DPYD: variants seen among roughly 807,000 people sequenced by gnomAD.
DPYD encodes dihydropyrimidine dehydrogenase [NADP(+)].
DPYD carries 109 observed loss-of-function variants against 116.2 expected under a neutral mutation model. That is an observed-to-expected ratio of 0.94 (90% confidence interval 0.80 to 1.10). The LOEUF is 1.10. DPYD is among the 50% of genes least tolerant of loss of function. The pLI, the probability that DPYD is intolerant of heterozygous loss-of-function variation, is 0.00. For synonymous variants in DPYD, 440 were observed against 432.0 expected (o/e 1.02, Z -0.23); for missense variants, 1,302 against 1,254.5 (o/e 1.04, Z -0.57).
intron 8 of DPYD, among the ~76,000 whole-genome samples, chr1:97,617,988 G>A (rs148822173): frequency 6.6e-6 from 1 of 152,146 alleles, no homozygotes; most frequent in African/African-American, 2.4e-5. Context: ...AGTCATACCA[G>A]GGTCAGATCT....
rs533190380 is a variant in DPYD at position 97,162,033 on chromosome 1, C to G, written c.2622+31036G>C. Among the ~76,000 whole-genome samples, 28 of 151,852 alleles carry G rather than the reference C, an allele frequency of 1.8e-4. 1 individual carries two copies. The South Asian group carries it at 5.0e-3, about 27-fold the overall frequency. ...TGTGAATAGAGCCGCAATAAACATA[C>G]GTGTGCATGTGTCTTTATAGCAGCA... On this transcript the variant is annotated intron_variant, in intron 20 of 22. Coordinates refer to ENST00000370192, the MANE Select transcript of DPYD (RefSeq NM_000110.4).
intron 19 of DPYD, among the ~76,000 whole-genome samples, chr1:97,210,976 C>A (rs1454102232): frequency 6.6e-6 from 1 of 152,122 alleles, no homozygotes; most frequent in Non-Finnish European, 1.5e-5. Context: ...CTCTCACTTG[C>A]CTCACTGCAA....
intron 14 of DPYD, among the ~76,000 whole-genome samples, chr1:97,392,988 C>T (rs978304065): frequency 6.6e-6 from 1 of 151,986 alleles, no homozygotes; most frequent in African/African-American, 2.4e-5. Context: ...ATCCAGACCA[C>T]TAAAATGTTA....
intron 8 of DPYD, among the ~76,000 whole-genome samples, chr1:97,601,155 T>G (rs940173674): frequency 6.6e-6 from 1 of 152,112 alleles, no homozygotes; most frequent in Non-Finnish European, 1.5e-5. Context: ...TAAAATTGCT[T>G]AATCCTGTGG....
At chr1:97,128,557 C>T (rs1349152736) in intron 20 of DPYD, among the ~76,000 whole-genome samples, 2 of 152,066 alleles carry the variant, frequency 1.3e-5, no homozygotes, top group African/African-American at 4.8e-5. Flanking sequence ...AGCCCTTTTC[C>T]AATGGCATAT....
At chr1:97,397,651 T>C (rs1673089840) in intron 14 of DPYD, among the ~76,000 whole-genome samples, 1 of 152,072 alleles carries the variant, frequency 6.6e-6, no homozygotes, top group Admixed American at 6.6e-5. Context: ...TTCTTTCAGT[T>C]AGTAACATGC....
intron 18 of DPYD, among the ~76,000 whole-genome samples, chr1:97,278,463 G>A (rs571046226): frequency 3.3e-4 from 50 of 152,236 alleles, no homozygotes; most frequent in African/African-American, 1.0e-3. Flanking sequence ...ATAATGTGCC[G>A]GCACATGACT....
At chr1:97,274,946 A>AG (rs1664841955) in intron 18 of DPYD, among the ~76,000 whole-genome samples, 1 of 152,170 alleles carries the variant, frequency 6.6e-6, no homozygotes, top group African/African-American at 2.4e-5. Context: ...GCATGGAATC[A>AG]GGGGTAAGGG....
chr1:97,722,585 T>C (rs1197770228), intron 4 of DPYD, among the ~76,000 whole-genome samples: 1 of 151,576 alleles, frequency 6.6e-6, no homozygotes, highest in East Asian at 1.9e-4. Context: ...TAGAATGCAC[T>C]TAACAATATA....
intron 8 of DPYD, among the ~76,000 whole-genome samples, chr1:97,632,708 T>C (rs1407925983): frequency 6.6e-6 from 1 of 152,160 alleles, no homozygotes; most frequent in Non-Finnish European, 1.5e-5. Context: ...ACCATTTCCT[T>C]ATTGAAATGG....
At chr1:97,791,135 C>T (rs1470365282) in intron 3 of DPYD, among the ~76,000 whole-genome samples, 1 of 152,196 alleles carries the variant, frequency 6.6e-6, no homozygotes, top group Admixed American at 6.5e-5. Flanking sequence ...GCATGATTCA[C>T]ATTTTTAAGA....
intron 11 of DPYD, among the ~76,000 whole-genome samples, chr1:97,563,760 G>C (rs1403670346): frequency 6.6e-6 from 1 of 152,048 alleles, no homozygotes; most frequent in Non-Finnish European, 1.5e-5. Flanking sequence ...TAAGTGATGT[G>C]GTGTTGATTC....
intron 3 of DPYD, among the ~76,000 whole-genome samples, chr1:97,753,321 A>G (rs1249554188): frequency 6.6e-6 from 1 of 152,186 alleles, no homozygotes; most frequent in African/African-American, 2.4e-5. Context: ...CAAGAAGTTA[A>G]TAAAGATCTC....
chr1:97,442,249 C>G (rs1286213791), intron 14 of DPYD, among the ~76,000 whole-genome samples: 1 of 151,706 alleles, frequency 6.6e-6, no homozygotes, highest in Non-Finnish European at 1.5e-5. Flanking sequence ...TCTCAGTGAC[C>G]ACTCTCCTTT....
chr1:97,844,591 G>A (rs1279503941), intron 2 of DPYD, among the ~76,000 whole-genome samples: 1 of 152,174 alleles, frequency 6.6e-6, no homozygotes, highest in Non-Finnish European at 1.5e-5. Flanking sequence ...TCTATCTGGA[G>A]TGGCTGCTGT....
chr1:97,133,451 T>C (rs1345257419), intron 20 of DPYD, among the ~76,000 whole-genome samples: 2 of 152,098 alleles, frequency 1.3e-5, no homozygotes, highest in African/African-American at 4.8e-5. Flanking sequence ...CTTTTAAAAA[T>C]TGATTACCTA....
At chr1:97,660,404 T>C (rs1659180564) in intron 8 of DPYD, among the ~76,000 whole-genome samples, 2 of 152,156 alleles carry the variant, frequency 1.3e-5, no homozygotes, top group South Asian at 2.1e-4. Flanking sequence ...GTATCATCCC[T>C]AGTTGTTCCC....
intron 16 of DPYD, among the ~76,000 whole-genome samples, chr1:97,366,799 A>G (rs1472343268): frequency 6.6e-6 from 1 of 152,116 alleles, no homozygotes; most frequent in Admixed American, 6.6e-5. Flanking sequence ...TAGATTCTCC[A>G]TGAGATGCCA....
At chr1:97,586,540 AG>A (rs1325641021) in intron 10 of DPYD, among the ~76,000 whole-genome samples, 1 of 138,076 alleles carries the variant, frequency 7.2e-6, no homozygotes, top group Non-Finnish European at 1.5e-5. Context: ...AAATATATAT[AG>A]AAGATTAGTA....
Sources: gnomAD v4.1 joint callset for allele counts (sites outside exome capture counted in the v4.1 genomes callset) on GRCh38, gnomAD v4.1.1 for gene constraint, MANE v1.5 for transcripts, NCBI Gene and HGNC (gene_info 2026-07-23, HGNC 2026-07-21) for gene names.